The following DNER variants were observed in gnomAD, a reference collection of about 807,000 sequenced individuals.
DNER encodes the protein delta/notch like EGF repeat containing.
DNER carries 33 observed loss-of-function variants against 78.2 expected under a neutral mutation model. The observed-to-expected ratio is 0.42, with a 90% CI of 0.32 to 0.56. The LOEUF (loss-of-function observed/expected upper bound fraction) is 0.56, where lower values mean the gene tolerates loss of function less well. DNER is among the 20% of genes least tolerant of loss of function. DNER has a pLI of 0.11. For synonymous variants in DNER, 417 were observed against 384.8 expected (o/e 1.08, Z -0.98); for missense variants, 918 against 975.3 (o/e 0.94, Z 0.78).
chr2:229,609,450 C>A (rs937667981), intron 1 of DNER, among the ~76,000 whole-genome samples: 1 of 152,116 alleles, frequency 6.6e-6, no homozygotes, highest in Non-Finnish European at 1.5e-5. Context: ...CGATAAGATT[C>A]AAGTTTCAGT....
chr2:229,490,469 C>T (rs1294381908), intron 6 of DNER, among the ~76,000 whole-genome samples: 1 of 152,112 alleles, frequency 6.6e-6, no homozygotes, highest in Non-Finnish European at 1.5e-5. Context: ...ATTAAAGACA[C>T]CAGCCACAAA....
intron 3 of DNER, chr2:229,586,661 A>C (rs554027325): frequency 1.3e-5 from 13 of 984,918 alleles, no homozygotes; most frequent in Admixed American, 6.2e-5. Flanking sequence ...TGCTTCAGCT[A>C]CTACGAGCTA....
intron 7 of DNER, among the ~76,000 whole-genome samples, chr2:229,469,713 C>T (rs962872093): frequency 6.6e-6 from 1 of 152,162 alleles, no homozygotes; most frequent in Non-Finnish European, 1.5e-5. Flanking sequence ...CAGGCCAAGG[C>T]AGGCGGATCA....
At chr2:229,500,213 G>T (rs887902939) in intron 6 of DNER, among the ~76,000 whole-genome samples, 7 of 152,304 alleles carry the variant, frequency 4.6e-5, no homozygotes, top group Admixed American at 2.0e-4. Flanking sequence ...GATTACAGGC[G>T]TGAGCCACCG....
chr2:229,436,794 G>A (rs1694130476), intron 8 of DNER, among the ~76,000 whole-genome samples: 1 of 152,180 alleles, frequency 6.6e-6, no homozygotes, highest in Non-Finnish European at 1.5e-5. Context: ...GGTCCTGAAG[G>A]AAGTGCTAAA....
chr2:229,440,648 T>C (rs1448371099), intron 8 of DNER, among the ~76,000 whole-genome samples: 1 of 152,234 alleles, frequency 6.6e-6, no homozygotes, highest in Non-Finnish European at 1.5e-5. Flanking sequence ...TCAGTCTTGT[T>C]CCCACATTCC....
At chr2:229,671,876 G>T (rs1295951511) in intron 1 of DNER, among the ~76,000 whole-genome samples, 1 of 152,300 alleles carries the variant, frequency 6.6e-6, no homozygotes, top group African/African-American at 2.4e-5. Context: ...CAGAGGGAAG[G>T]CACTGAGTGT....
At chr2:229,611,586 C>T (rs1220129113) in intron 1 of DNER, among the ~76,000 whole-genome samples, 1 of 152,216 alleles carries the variant, frequency 6.6e-6, no homozygotes, top group Non-Finnish European at 1.5e-5. Context: ...ACAGGCTTAT[C>T]GGCAAATTGA....
At chr2:229,448,378 T>G (rs944531729) in intron 7 of DNER, among the ~76,000 whole-genome samples, 8 of 152,190 alleles carry the variant, frequency 5.3e-5, no homozygotes, top group Non-Finnish European at 8.8e-5. Flanking sequence ...AAAGAGGAGT[T>G]CACTGCAAAT....
chr2:229,589,915 A>AG (rs1431116804), intron 2 of DNER, among the ~76,000 whole-genome samples: 6 of 152,020 alleles, frequency 3.9e-5, no homozygotes, highest in Middle Eastern at 6.8e-3. Flanking sequence ...AATACAAAAA[A>AG]AAAAAAAAAG....
intron 1 of DNER, among the ~76,000 whole-genome samples, chr2:229,638,154 C>T (rs143717933): frequency 7.2e-5 from 11 of 152,250 alleles, no homozygotes; most frequent in Non-Finnish European, 8.8e-5. Flanking sequence ...ATAGATTTCA[C>T]GCAATCCTAG....
At chr2:229,474,721 T>C (rs1388244946) in intron 7 of DNER, among the ~76,000 whole-genome samples, 2 of 152,138 alleles carry the variant, frequency 1.3e-5, no homozygotes, top group Admixed American at 6.5e-5. Context: ...ACTTCATTTT[T>C]CTGTTTCTCC....
At position 229,382,755 on chromosome 2, in the gene DNER, A is replaced by C. The variant is rs183918480; in HGVS notation, c.1855+5510T>G. On this transcript the variant is annotated intron_variant, in intron 11 of 12. Coordinates refer to ENST00000341772, the MANE Select transcript of DNER (RefSeq NM_139072.4). ...AAGGAATGAACAACGCCTCCAAAAAATATGGGACTATGTGAAAAGACCAAA... is the reference window on the plus strand; with the variant it reads ...AAGGAATGAACAACGCCTCCAAAAACTATGGGACTATGTGAAAAGACCAAA... Among the ~76,000 whole-genome samples the C allele has an allele frequency of 3.6e-3, 541 of 152,256 alleles. 4 individuals carry two copies. The highest frequency in any genetic ancestry group is 0.013 in the African/African-American group (523 of 41,566).
chr2:229,571,269 C>T (rs1479619116), intron 4 of DNER, among the ~76,000 whole-genome samples: 1 of 152,072 alleles, frequency 6.6e-6, no homozygotes, highest in Non-Finnish European at 1.5e-5. Context: ...AGGAAGCTGC[C>T]TCATCAGAAG....
chr2:229,511,219 A>C (rs566541918), intron 6 of DNER, among the ~76,000 whole-genome samples: 4 of 152,274 alleles, frequency 2.6e-5, no homozygotes, highest in African/African-American at 9.6e-5. Flanking sequence ...ATCCCCACCC[A>C]GTGGCAGAAG....
intron 1 of DNER, among the ~76,000 whole-genome samples, chr2:229,665,100 T>C (rs1699066830): frequency 6.6e-6 from 1 of 152,314 alleles, no homozygotes; most frequent in African/African-American, 2.4e-5. Flanking sequence ...AGGGCTAATT[T>C]TCTTTTGCAG....
At chr2:229,649,703 G>T (rs565913253) in intron 1 of DNER, among the ~76,000 whole-genome samples, 2 of 152,056 alleles carry the variant, frequency 1.3e-5, no homozygotes, top group Non-Finnish European at 2.9e-5. Flanking sequence ...CCAACACCTG[G>T]GGTCATTAGA....
intron 3 of DNER, chr2:229,586,989 C>T (rs1159139444): frequency 1.0e-6 from 1 of 985,292 alleles, no homozygotes; most frequent in East Asian, 1.1e-4. Context: ...ATTCGGCACT[C>T]CCATCTCACT....
chr2:229,479,902 G>C (rs1020811052), intron 6 of DNER, among the ~76,000 whole-genome samples: 1 of 152,094 alleles, frequency 6.6e-6, no homozygotes, highest in African/African-American at 2.4e-5. Flanking sequence ...GATTACAAGT[G>C]GTAGCTTCTT....
Sources: allele counts gnomAD v4.1 joint callset (sites outside exome capture counted in the v4.1 genomes callset), GRCh38; gene constraint gnomAD v4.1.1; transcripts MANE v1.5; gene names NCBI Gene and HGNC (gene_info 2026-07-23, HGNC 2026-07-21).